KDM2B: variants seen among roughly 807,000 people sequenced by gnomAD.
KDM2B encodes the protein lysine demethylase 2B, also known as lysine-specific demethylase 2B.
KDM2B carries 26 observed loss-of-function variants against 150.0 expected under a neutral mutation model. That is an observed-to-expected ratio of 0.17 (90% CI 0.13 to 0.24). The LOEUF (loss-of-function observed/expected upper bound fraction) is 0.24, where lower values mean the gene tolerates loss of function less well. Among genes scored for constraint, KDM2B ranks in the 10% least tolerant of loss-of-function variants. The pLI is 1.00. For synonymous variants in KDM2B, 734 were observed against 729.5 expected, an observed-to-expected ratio of 1.01 and a Z score of -0.10; for missense variants, 1,265 against 1,816.9, an observed-to-expected ratio of 0.70 and a Z score of 5.52.
chr12:121,430,105 A>G lies in KDM2B; in HGVS notation c.*183T>C, dbSNP rs782200755. 29 of 1,606,946 alleles carry G rather than the reference A, an allele frequency of 1.8e-5. No individual in the cohort carries two copies. The highest frequency in any genetic ancestry group is 1.3e-4 in the African/African-American group (10 of 74,788). On this transcript the variant is annotated 3_prime_UTR_variant, in exon 23 of 23. Coordinates refer to ENST00000377071, the MANE Select transcript of KDM2B (RefSeq NM_032590.5). The surrounding 1 kb of genome is among the most constrained non-coding windows in gnomAD (Gnocchi z 4.4). The stretch of plus-strand genomic sequence containing the variant: ...AGTTACGATTCAGAAAGACCAAAGG[A>G]AAGTGTCGGCTCACTCATCCCCCAA...
chr12:121,527,200 C>T (rs1240910687), intron 8 of KDM2B, among the ~76,000 whole-genome samples: 2 of 149,710 alleles, frequency 1.3e-5, no homozygotes, highest in Admixed American at 1.3e-4. Context: ...TAGGCACCCG[C>T]CGCCACGCCC....
intron 1 of KDM2B, among the ~76,000 whole-genome samples, chr12:121,579,364 AGCCCCAGCG>A (rs1555317473): frequency 6.6e-6 from 1 of 152,142 alleles, no homozygotes; most frequent in African/African-American, 2.4e-5. Context: ...CGGTAACAGC[AGCCCCAGCG>A]GCCGCGGCGG....
chr12:121,447,247 CTTTT>C (rs61011924), intron 13 of KDM2B, among the ~76,000 whole-genome samples: 3,902 of 146,702 alleles, frequency 0.027, 147 homozygotes, highest in East Asian at 0.082. Context: ...CAGGTCTTCT[CTTTT>C]TTTTTTTTAT....
At chr12:121,492,700 G>T (rs376213058) in intron 12 of KDM2B, among the ~76,000 whole-genome samples, 1 of 151,048 alleles carries the variant, frequency 6.6e-6, no homozygotes, top group Admixed American at 6.6e-5. Context: ...ATGGTGGCGG[G>T]TGCCTGTAAT....
In KDM2B at chr12:121,453,351, G is replaced by A. The variant is rs1555292139; in HGVS notation, c.1735-7C>T. 6.4e-7 allele frequency: 1 copy of A among 1,561,786 alleles called. No homozygotes were observed. Among genetic ancestry groups the A allele is most frequent in the Non-Finnish European group, 8.7e-7 (1 of 1,152,732 alleles). On this transcript the variant is annotated splice_polypyrimidine_tract_variant and splice_region_variant and intron_variant, in intron 12 of 22. Transcript: ENST00000377071. This position sits in a 1 kb window ranked among gnomAD's most constrained non-coding sequence, Gnocchi z 6.4. ...GCCGACCCACAGCCCGGTTCTGCAG[G>A]GGAACAGACACGACTGGTCAGATGG...
chr12:121,569,887 A>AGAGTG (rs1277567455), intron 4 of KDM2B, among the ~76,000 whole-genome samples: 1 of 149,144 alleles, frequency 6.7e-6, no homozygotes, highest in South Asian at 2.1e-4. Flanking sequence ...TTGCCCTGAC[A>AGAGTG]GAGTGGAGTG....
rs1490126268 is a variant in KDM2B at position 121,452,596 on chromosome 12, T to C, written c.1959+524A>G. Among the ~76,000 whole-genome samples, 1 of 152,250 alleles carries C rather than the reference T, an allele frequency of 6.6e-6. No individual in the cohort carries two copies. The highest frequency in any genetic ancestry group is 2.4e-5 in the African/African-American group (1 of 41,476). ...GGGCAAACCCCGCGACCTCGCCCCG[T>C]TGCGAAGTCCATGTCCACTGCCCTG... On this transcript the variant is annotated intron_variant, in intron 13 of 22. Coordinates refer to ENST00000377071, the MANE Select transcript of KDM2B (RefSeq NM_032590.5). The surrounding 1 kb of genome is among the most constrained non-coding windows in gnomAD (Gnocchi z 4.4).
chr12:121,413,298 A>T, the KDM2B span, among the ~76,000 whole-genome samples: 1 of 152,190 alleles, frequency 6.6e-6, no homozygotes, highest in African/African-American at 2.4e-5. Context: ...AAGTGCTGGG[A>T]TTACAGGCAT....
intron 22 of KDM2B, among the ~76,000 whole-genome samples, chr12:121,433,441 G>T (rs782337461): frequency 6.6e-6 from 1 of 152,122 alleles, no homozygotes; most frequent in African/African-American, 2.4e-5. Flanking sequence ...GCTGGTCTAG[G>T]ACACCTGGGC....
chr12:121,552,133 A>G (rs1776166754), intron 4 of KDM2B, among the ~76,000 whole-genome samples: 1 of 152,204 alleles, frequency 6.6e-6, no homozygotes, highest in Admixed American at 6.5e-5. Context: ...GTGTCAGCAC[A>G]GGCGGGTTCT....
At chr12:121,516,275 A>G (rs782012616) in intron 9 of KDM2B, 4 of 324,854 alleles carry the variant, frequency 1.2e-5, no homozygotes, top group Non-Finnish European at 2.3e-5. Flanking sequence ...ATCTTTCTAA[A>G]TTAGGGGAAA....
intron 12 of KDM2B, among the ~76,000 whole-genome samples, chr12:121,476,466 A>AGTTTTTT (rs1218387434): frequency 6.6e-6 from 1 of 151,772 alleles, no homozygotes; most frequent in Admixed American, 6.6e-5. Context: ...TCCAACAGGT[A>AGTTTTTT]GTTTTTTGTT....
At chr12:121,494,507 C>T (rs782246246) in intron 12 of KDM2B, 72 bp downstream of exon 12, 45 of 1,194,248 alleles carry the variant, frequency 3.8e-5, no homozygotes, top group Non-Finnish European at 4.5e-5. Flanking sequence ...CAAAAAGTCG[C>T]GGCTGTTCAC....
chr12:121,516,377 C>A, intron 9 of KDM2B: 1 of 764,942 alleles, frequency 1.3e-6, no homozygotes. Context: ...AAAACAAATG[C>A]TGATGAAGGA....
At chr12:121,420,727 G>A in the KDM2B span, 1 of 1,614,158 alleles carries the variant, frequency 6.2e-7, no homozygotes, top group Non-Finnish European at 8.5e-7. Context: ...ATGGGAACTG[G>A]TAGAGAAAGT....
chr12:121,555,622 C>T (rs1555312561), intron 4 of KDM2B, among the ~76,000 whole-genome samples: 2 of 152,196 alleles, frequency 1.3e-5, no homozygotes, highest in Admixed American at 1.3e-4. Context: ...ATCTGCCCAC[C>T]TAGGCCTCCC....
rs188008973 is a variant in KDM2B, at chr12:121,574,540, G to A, written c.397+7C>T. On this transcript the variant is annotated splice_region_variant and intron_variant, in intron 4 of 22. Transcript: ENST00000377071. ...TGTCTGAGCCACACACACGGCAAGC[G>A]ACTTACCCACTAGGAGTTTGACGTC... 5.8e-4 allele frequency: 942 copies of A among 1,613,622 alleles called. 4 individuals carry two copies. In the African/African-American group the frequency reaches 0.011, roughly 19 times the overall value.
downstream of KDM2B, chr12:121,424,302 A>G (rs1372894898): frequency 6.6e-6 from 1 of 152,622 alleles, no homozygotes. Flanking sequence ...TTTCAGTGCT[A>G]CCCGCTAGCT....
chr12:121,472,086 G>C, intron 12 of KDM2B, among the ~76,000 whole-genome samples: 1 of 152,172 alleles, frequency 6.6e-6, no homozygotes, highest in East Asian at 1.9e-4. Flanking sequence ...TCATGCCACT[G>C]CACTCCACCC....
Sources: allele counts gnomAD v4.1 joint callset (sites outside exome capture counted in the v4.1 genomes callset), GRCh38; gene constraint gnomAD v4.1.1; non-coding constraint Gnocchi (gnomAD v3.1); transcripts MANE v1.5; gene names NCBI Gene and HGNC (gene_info 2026-07-23, HGNC 2026-07-21).